Variants in SUMF1 observed in about 807,000 individuals in gnomAD.
SUMF1 encodes the protein formylglycine-generating enzyme.
Under a neutral mutation model 47.6 loss-of-function variants are expected in SUMF1, and 48 were observed. The observed-to-expected ratio is 1.01, with a 90% CI of 0.80 to 1.28. SUMF1 has a LOEUF of 1.28. Ranked by LOEUF, SUMF1 falls within the 50% of genes most tolerant of loss-of-function variation. The probability of loss-of-function intolerance (pLI) is 0.00; values close to 1 mark genes in which losing one functional copy is unlikely to be tolerated. For missense variants in SUMF1, 571 were observed against 485.4 expected (o/e 1.18, Z -1.66); for synonymous variants, 230 against 192.1 (o/e 1.20, Z -1.63).
chr3:4,302,313 G>A (rs750553559), intron 8 of SUMF1, among the ~76,000 whole-genome samples: 2 of 152,138 alleles, frequency 1.3e-5, no homozygotes, highest in African/African-American at 2.4e-5. Flanking sequence ...AACGAGAAGC[G>A]GGTGAGGGGT....
At chr3:4,184,331 C>T (rs1695156605) in intron 8 of SUMF1, among the ~76,000 whole-genome samples, 1 of 151,898 alleles carries the variant, frequency 6.6e-6, no homozygotes, top group East Asian at 1.9e-4. Flanking sequence ...TGTTGTGCGC[C>T]TGTAATCCTA....
At position 4,246,041 on chromosome 3, in the gene SUMF1, T is replaced by C. The variant is rs553438397; in HGVS notation, c.1014+130289A>G. On this transcript the variant is annotated intron_variant and NMD_transcript_variant, in intron 8 of 12. Transcript: ENST00000448413. ...CTGCTGCACTAGCAGCGAGCAAGGCTCCGTGGGTGTGGGAACCGCCAAGCC... is the reference window on the plus strand; with the variant it reads ...CTGCTGCACTAGCAGCGAGCAAGGCCCCGTGGGTGTGGGAACCGCCAAGCC... Among the ~76,000 whole-genome samples, 25 of 152,268 alleles carry C rather than the reference T, an allele frequency of 1.6e-4. No homozygotes were observed. In the South Asian group the frequency reaches 2.1e-3, roughly 13 times the overall value.
At chr3:4,049,360 T>A (rs1490262814) in intron 9 of SUMF1, among the ~76,000 whole-genome samples, 4 of 152,138 alleles carry the variant, frequency 2.6e-5, no homozygotes, top group African/African-American at 7.2e-5. Context: ...TTCAAGAAAG[T>A]GATGAAATGC....
rs1011915406 is a variant in SUMF1, at chr3:4,410,957, C to A, written c.862G>T (p.Gly288Cys). 3 of 1,613,926 alleles carry A rather than the reference C, an allele frequency of 1.9e-6. No homozygotes were observed. The highest frequency in any genetic ancestry group is 2.7e-5 in the African/African-American group (2 of 74,898). The change falls in exon 7 of 9, where the codon GGT becomes TGT. Residue 288 changes from glycine (G) to cysteine (C), a missense_variant. Transcript: ENST00000272902. ...CCCACTATGTTGTATAAGCCATAAC[C>A]ATTGGGAGGGAAGGCATCAACCTAA... ...TAPVDAFPPN[G>C]YGLYNIVGNA...
intron 8 of SUMF1, among the ~76,000 whole-genome samples, chr3:4,124,557 C>A (rs1693613535): frequency 6.6e-6 from 1 of 151,200 alleles, no homozygotes. Context: ...AGCACAGTGC[C>A]ATAGTCCTAA....
chr3:4,415,622 G>C (rs1354537263), intron 6 of SUMF1, among the ~76,000 whole-genome samples: 2 of 152,164 alleles, frequency 1.3e-5, no homozygotes, highest in Admixed American at 6.5e-5. Context: ...AGACCAGCCT[G>C]GCCAACATGG....
chr3:4,296,674 G>A (rs534919672), intron 8 of SUMF1, among the ~76,000 whole-genome samples: 1 of 152,268 alleles, frequency 6.6e-6, no homozygotes, highest in South Asian at 2.1e-4. Flanking sequence ...CCCACGACAC[G>A]TGCGGATTAC....
chr3:4,253,998 GGC>G (rs1559617944), intron 8 of SUMF1, among the ~76,000 whole-genome samples: 1 of 150,636 alleles, frequency 6.6e-6, no homozygotes, highest in East Asian at 1.9e-4. Context: ...CCCCAGCAAG[GGC>G]ACACTGACAC....
intron 8 of SUMF1, among the ~76,000 whole-genome samples, chr3:4,259,603 C>A (rs1383284965): frequency 6.6e-6 from 1 of 151,978 alleles, no homozygotes; most frequent in Non-Finnish European, 1.5e-5. Flanking sequence ...CAGTACCTTG[C>A]CTTTTGGGTT....
In SUMF1 at chr3:4,276,741, C is replaced by T. The variant is rs140252661; in HGVS notation, c.1014+99589G>A. Among the ~76,000 whole-genome samples, 284 of 152,276 alleles carry T rather than the reference C, an allele frequency of 1.9e-3. 2 individuals carry two copies. The highest frequency in any genetic ancestry group is 6.5e-3 in the African/African-American group (269 of 41,550). ...TTGTTTTCCTGTTTTCCAAATATGG[C>T]TTCATAGGCTTTATGCCTGTAATGT... On this transcript the variant is annotated intron_variant and NMD_transcript_variant, in intron 8 of 12. Transcript: ENST00000448413.
At chr3:4,070,088 G>A (rs1010552560) in intron 8 of SUMF1, among the ~76,000 whole-genome samples, 2 of 152,086 alleles carry the variant, frequency 1.3e-5, no homozygotes, top group African/African-American at 4.8e-5. Context: ...ATTGATCCCA[G>A]GTCTTCAGAT....
chr3:4,214,568 G>A (rs917647385), intron 8 of SUMF1, among the ~76,000 whole-genome samples: 1 of 152,112 alleles, frequency 6.6e-6, no homozygotes, highest in Non-Finnish European at 1.5e-5. Context: ...GAGCAGAACT[G>A]AAGGAGACAG....
intron 8 of SUMF1, among the ~76,000 whole-genome samples, chr3:4,208,612 GC>G (rs1247082061): frequency 6.6e-6 from 1 of 151,888 alleles, no homozygotes; most frequent in African/African-American, 2.4e-5. Flanking sequence ...TGAGTAACAA[GC>G]GGAGAGACGA....
chr3:4,139,067 T>G (rs928703854), intron 8 of SUMF1, among the ~76,000 whole-genome samples: 1 of 152,154 alleles, frequency 6.6e-6, no homozygotes, highest in East Asian at 1.9e-4. Flanking sequence ...CAGAGCTTAA[T>G]TTATTATTTT....
intron 8 of SUMF1, among the ~76,000 whole-genome samples, chr3:4,148,630 T>C (rs1035526994): frequency 6.6e-6 from 1 of 152,178 alleles, no homozygotes; most frequent in East Asian, 1.9e-4. Context: ...CTACAACTCA[T>C]CTCTGACATT....
chr3:4,106,172 C>A (rs1693153764), intron 8 of SUMF1, among the ~76,000 whole-genome samples: 1 of 151,910 alleles, frequency 6.6e-6, no homozygotes, highest in Non-Finnish European at 1.5e-5. Context: ...ATTGCTGGGC[C>A]ATAAAAAACA....
At chr3:4,048,788 A>G (rs1695052694) in intron 9 of SUMF1, among the ~76,000 whole-genome samples, 1 of 152,310 alleles carries the variant, frequency 6.6e-6, no homozygotes, top group South Asian at 2.1e-4. Flanking sequence ...CATTTAATAC[A>G]TAAATAGAGC....
intron 8 of SUMF1, among the ~76,000 whole-genome samples, chr3:4,112,792 C>T (rs1293077262): frequency 6.6e-6 from 1 of 152,106 alleles, no homozygotes; most frequent in Non-Finnish European, 1.5e-5. Flanking sequence ...CACTATCCAA[C>T]AGAGTGAGAA....
intron 7 of SUMF1, among the ~76,000 whole-genome samples, chr3:4,402,598 A>G (rs1701248025): frequency 6.6e-6 from 1 of 152,168 alleles, no homozygotes; most frequent in African/African-American, 2.4e-5. Flanking sequence ...TGTCCCATTC[A>G]TACTATATCA....
Sources: allele counts gnomAD v4.1 joint callset (sites outside exome capture counted in the v4.1 genomes callset), GRCh38; gene constraint gnomAD v4.1.1; transcripts MANE v1.5; gene names NCBI Gene and HGNC (gene_info 2026-07-23, HGNC 2026-07-21).